NBAS: variants seen among roughly 807,000 people sequenced by gnomAD.
NBAS encodes the protein NAG/BC035112 fusion.
In NBAS, 219 loss-of-function variants were observed where a neutral mutation model predicts 302.5. The observed-to-expected ratio is 0.72, with a 90% CI of 0.65 to 0.81. The LOEUF is 0.81. Among genes scored for constraint, NBAS ranks in the 30% least tolerant of loss-of-function variants. The pLI is 0.00. For synonymous variants in NBAS, 1,118 were observed against 1,021.6 expected, an observed-to-expected ratio of 1.09 and a Z score of -1.80; for missense variants, 2,932 against 2,841.6, an observed-to-expected ratio of 1.03 and a Z score of -0.72.
chr2:14,801,619 T>C, the NBAS span, among the ~76,000 whole-genome samples: 1 of 152,156 alleles, frequency 6.6e-6, no homozygotes, highest in African/African-American at 2.4e-5. Flanking sequence ...TTCCCTGTAA[T>C]TTTGGTGTTA....
the NBAS span, among the ~76,000 whole-genome samples, chr2:15,072,099 C>A: frequency 1.3e-5 from 2 of 152,186 alleles, no homozygotes; most frequent in Non-Finnish European, 2.9e-5. Flanking sequence ...TTTTAAGGCT[C>A]TGGAGATATT....
intron 31 of NBAS, among the ~76,000 whole-genome samples, chr2:15,369,527 T>G (rs1674384882): frequency 6.6e-6 from 1 of 152,214 alleles, no homozygotes; most frequent in Non-Finnish European, 1.5e-5. Flanking sequence ...TACTTACGTA[T>G]TTTCTGATCC....
At chr2:15,191,791 T>TA (rs1167709984) in intron 48 of NBAS, among the ~76,000 whole-genome samples, 1 of 152,186 alleles carries the variant, frequency 6.6e-6, no homozygotes, top group Non-Finnish European at 1.5e-5. Context: ...TGCCTATTTA[T>TA]AAAGAAACTT....
At chr2:14,932,304 G>A in the NBAS span, among the ~76,000 whole-genome samples, 1 of 152,220 alleles carries the variant, frequency 6.6e-6, no homozygotes, top group Non-Finnish European at 1.5e-5. Flanking sequence ...GACAAAAAGG[G>A]AGCAAGAATG....
At position 15,421,848 on chromosome 2, in the gene NBAS, G is replaced by A. The variant is rs1262591129; in HGVS notation, c.2577+2467C>T. ...CACTTTATTTTTTAGAGCAGTTTCA[G>A]CTTTGCCATAAAATTGAGCTAAAAG... On this transcript the variant is annotated intron_variant, in intron 23 of 51. Transcript: ENST00000281513. Among the ~76,000 whole-genome samples, 46 of 152,080 alleles carry A rather than the reference G, an allele frequency of 3.0e-4. 1 individual carries two copies. Among genetic ancestry groups the A allele is most frequent in the Admixed American group, 3.0e-3 (46 of 15,270 alleles).
At chr2:15,202,551 T>C (rs1299360516) in intron 48 of NBAS, among the ~76,000 whole-genome samples, 1 of 135,202 alleles carries the variant, frequency 7.4e-6, no homozygotes, top group Admixed American at 7.2e-5. Context: ...TTTATTTATT[T>C]ATTTAGAGAT....
intron 9 of NBAS, among the ~76,000 whole-genome samples, chr2:15,528,897 A>ATG (rs1187523004): frequency 6.3e-5 from 9 of 142,568 alleles, no homozygotes; most frequent in East Asian, 4.0e-4. Flanking sequence ...ATATATATAT[A>ATG]TGTGTGTATA....
the NBAS span, among the ~76,000 whole-genome samples, chr2:15,034,063 G>A: frequency 1.2e-5 from 1 of 86,906 alleles, no homozygotes; most frequent in African/African-American, 5.5e-5. Context: ...AGGAGGAGGA[G>A]GGGAAGGAGA....
chr2:15,187,180 T>C (rs1665128369), intron 49 of NBAS, among the ~76,000 whole-genome samples: 1 of 152,186 alleles, frequency 6.6e-6, no homozygotes, highest in Non-Finnish European at 1.5e-5. Flanking sequence ...AGAAGTTATT[T>C]AATACTTTTG....
the NBAS span, among the ~76,000 whole-genome samples, chr2:14,911,953 T>C: frequency 6.6e-6 from 1 of 152,210 alleles, no homozygotes; most frequent in African/African-American, 2.4e-5. Flanking sequence ...AAATGCATCA[T>C]TAGACAATTT....
Position 15,210,903 on chromosome 2 carries a change from T to C in NBAS, c.6432+7870A>G, listed in dbSNP as rs137987465. Among the ~76,000 whole-genome samples, 102 of 152,252 alleles carry C rather than the reference T, an allele frequency of 6.7e-4. 1 individual carries two copies. Among genetic ancestry groups the C allele is most frequent in the African/African-American group, 2.3e-3 (97 of 41,568 alleles). ...ACAAACTTCACATGTTTTCACTTAT[T>C]TGTGGGAGCCAAATATTAAAAGTAT... On this transcript the variant is annotated intron_variant, in intron 48 of 51. Transcript: ENST00000281513.
chr2:15,084,822 C>A, the NBAS span, among the ~76,000 whole-genome samples: 1 of 152,172 alleles, frequency 6.6e-6, no homozygotes. Flanking sequence ...CAACGTGAAG[C>A]AAAACAAATT....
chr2:15,425,162 C>CA (rs11403016), intron 22 of NBAS, among the ~76,000 whole-genome samples: 93,773 of 149,070 alleles, frequency 0.63, 29,839 homozygotes, highest in Non-Finnish European at 0.68. Context: ...TGTTTAAGGA[C>CA]AAAAAAAAAA....
chr2:14,813,298 G>A, the NBAS span, among the ~76,000 whole-genome samples: 3 of 152,136 alleles, frequency 2.0e-5, no homozygotes, highest in South Asian at 6.2e-4. Context: ...CAGGAAGATG[G>A]GGAAGGTTTG....
chr2:15,474,063 T>A lies in NBAS; in HGVS notation c.1599+4A>T. ...ACTTGGGTAGTAATATGCTACTCTC[T>A]CACCTTCCTCTGATAAAGTTCCTCT... On this transcript the variant is annotated splice_donor_region_variant and intron_variant, in intron 15 of 51. Coordinates refer to ENST00000281513, the MANE Select transcript of NBAS (RefSeq NM_015909.4). The A allele has an allele frequency of 6.2e-7, 1 of 1,614,190 alleles. No homozygotes were observed. The highest frequency in any genetic ancestry group is 8.5e-7 in the Non-Finnish European group (1 of 1,180,030).
chr2:15,036,598 A>C, the NBAS span, among the ~76,000 whole-genome samples: 1 of 152,212 alleles, frequency 6.6e-6, no homozygotes, highest in African/African-American at 2.4e-5. Context: ...TCTCAAGATC[A>C]TGAATGCTGT....
intron 50 of NBAS, chr2:15,180,011 C>T (rs896829088): frequency 2.6e-5 from 4 of 152,198 alleles, no homozygotes; most frequent in African/African-American, 9.7e-5. Context: ...GACTCCATTA[C>T]ACTAAAGCAA....
intron 12 of NBAS, among the ~76,000 whole-genome samples, chr2:15,484,210 TCA>T (rs1187170149): frequency 6.6e-6 from 1 of 152,164 alleles, no homozygotes; most frequent in Admixed American, 6.5e-5. Context: ...GGGATGTTAT[TCA>T]TATAAACTTC....
intron 10 of NBAS, among the ~76,000 whole-genome samples, chr2:15,504,663 A>C (rs981015235): frequency 6.6e-6 from 1 of 152,226 alleles, no homozygotes; most frequent in Non-Finnish European, 1.5e-5. Context: ...AATATAACAC[A>C]TGACAATTTT....
Sources: gnomAD v4.1 joint callset for allele counts (sites outside exome capture counted in the v4.1 genomes callset) on GRCh38, gnomAD v4.1.1 for gene constraint, MANE v1.5 for transcripts, NCBI Gene and HGNC (gene_info 2026-07-23, HGNC 2026-07-21) for gene names.